Variants in EXPH5 observed in about 807,000 individuals in gnomAD.
EXPH5 encodes exophilin-5.
In EXPH5, 42 loss-of-function variants were observed where a neutral mutation model predicts 41.1. That is an observed-to-expected ratio of 1.02 (90% CI 0.80 to 1.32). The LOEUF is 1.32. EXPH5 is among the 40% of genes most tolerant of loss of function. EXPH5 has a pLI of 0.00. For synonymous variants in EXPH5, 798 were observed against 833.5 expected, an observed-to-expected ratio of 0.96 and a Z score of 0.73; for missense variants, 2,298 against 2,314.5, an observed-to-expected ratio of 0.99 and a Z score of 0.15.
intron 1 of EXPH5, among the ~76,000 whole-genome samples, chr11:108,590,602 ATC>A (rs943118858): frequency 2.0e-5 from 3 of 152,106 alleles, no homozygotes; most frequent in African/African-American, 4.8e-5. Context: ...ATCTCAGAAC[ATC>A]TCTGGCCCTG....
chr11:108,576,333 A>G (rs376851018), intron 1 of EXPH5, among the ~76,000 whole-genome samples: 1 of 152,240 alleles, frequency 6.6e-6, no homozygotes, highest in East Asian at 1.9e-4. Flanking sequence ...CAAAAATTAT[A>G]TAATTCCATT....
intron 1 of EXPH5, among the ~76,000 whole-genome samples, chr11:108,582,234 C>T (rs909242688): frequency 2.6e-5 from 4 of 151,896 alleles, no homozygotes; most frequent in Admixed American, 6.6e-5. Context: ...GAGGCTGGGG[C>T]GGGGGATCAC....
At chr11:108,515,054 T>C in intron 5 of EXPH5, among the ~76,000 whole-genome samples, 179 bp from the exon 6 acceptor site, 1 of 152,384 alleles carries the variant, frequency 6.6e-6, no homozygotes, top group East Asian at 1.9e-4. Context: ...TTTATAAGAC[T>C]ATAGTGAAAA....
chr11:108,583,744 T>C (rs757568111), intron 1 of EXPH5, among the ~76,000 whole-genome samples: 3 of 152,048 alleles, frequency 2.0e-5, no homozygotes, highest in Non-Finnish European at 2.9e-5. Context: ...TGAAAGACAG[T>C]GCTCAGCAAC....
intron 1 of EXPH5, among the ~76,000 whole-genome samples, chr11:108,585,110 C>G (rs1175713464): frequency 6.6e-6 from 1 of 151,972 alleles, no homozygotes; most frequent in Non-Finnish European, 1.5e-5. Flanking sequence ...AGATACTTCC[C>G]CAAAGAGAAT....
Position 108,512,230 on chromosome 11 carries a change from G to T in EXPH5, c.3277C>A (p.Pro1093Thr). Residue 1093 changes from proline to threonine, a missense_variant, in exon 6 of 6, where the codon CCT becomes ACT. Physicochemically the swap from Pro to Thr is conservative, Grantham distance 38. Transcript: ENST00000265843. ...KVLSDSALEAPEATERMTNVK... is the reference protein window; with the variant it reads ...KVLSDSALEATEATERMTNVK... ...TTTGTCATTCTCTCTGTGGCTTCAG[G>T]TGCTTCCAGGGCTGAGTCTGAAAGG... The T allele has an allele frequency of 1.2e-6, 2 of 1,608,226 alleles. No individual in the cohort carries two copies. Among genetic ancestry groups the T allele is most frequent in the Non-Finnish European group, 1.7e-6 (2 of 1,178,230 alleles).
chr11:108,516,050 C>T (rs1253215362), intron 5 of EXPH5, among the ~76,000 whole-genome samples: 3 of 127,322 alleles, frequency 2.4e-5, no homozygotes, highest in Admixed American at 1.0e-4. Context: ...CCAGCCTGGG[C>T]GAAAGAGCGA....
In EXPH5 at chr11:108,513,260, G is replaced by A. The variant is rs776331752; in HGVS notation, c.2247C>T (p.Asp749=). Residue 749 remains aspartate (D), a synonymous_variant, in exon 6 of 6, where the codon GAC becomes GAT. Transcript: ENST00000265843. ...AACCAAACCCGTTGCTCTTGGCTGA[G>A]TCCTGGGATAAGGGATTTTGAAAAT... ...LPDFQNPLSQ[D]SAKSNGFGFN... is the part of the protein sequence containing the mutation. The A allele has an allele frequency of 2.5e-5, 40 of 1,612,492 alleles. No individual in the cohort carries two copies. Among genetic ancestry groups the A allele is most frequent in the Non-Finnish European group, 3.3e-5 (39 of 1,179,560 alleles).
At chr11:108,565,892 T>C (rs1424144209) in intron 1 of EXPH5, among the ~76,000 whole-genome samples, 1 of 152,230 alleles carries the variant, frequency 6.6e-6, no homozygotes, top group Non-Finnish European at 1.5e-5. Context: ...TTGTTTACAA[T>C]GCCCTTTCTA....
At chr11:108,605,572 C>T in the EXPH5 span, among the ~76,000 whole-genome samples, 1 of 151,978 alleles carries the variant, frequency 6.6e-6, no homozygotes, top group Non-Finnish European at 1.5e-5. Context: ...CCCCCTCCTA[C>T]GCCCAGCAAA....
intron 3 of EXPH5, among the ~76,000 whole-genome samples, chr11:108,529,688 T>C (rs2093824361): frequency 6.6e-6 from 1 of 151,830 alleles, no homozygotes; most frequent in African/African-American, 2.4e-5. Flanking sequence ...CTACTAAAAA[T>C]ACAAAATTAG....
chr11:108,559,307 A>T (rs2094002377), intron 1 of EXPH5, among the ~76,000 whole-genome samples: 1 of 152,230 alleles, frequency 6.6e-6, no homozygotes, highest in Non-Finnish European at 1.5e-5. Flanking sequence ...CTTTATACAG[A>T]TGCTCAGACA....
intron 1 of EXPH5, among the ~76,000 whole-genome samples, chr11:108,548,655 G>A (rs1049080930): frequency 2.0e-5 from 3 of 152,136 alleles, no homozygotes; most frequent in Admixed American, 6.5e-5. Flanking sequence ...GAAGGGAAAC[G>A]ATGACATAAA....
At chr11:108,541,587 A>G (rs755611314) in intron 2 of EXPH5, 65 bp downstream of exon 2, 34 of 1,074,750 alleles carry the variant, frequency 3.2e-5, no homozygotes, top group Non-Finnish European at 4.2e-5. Flanking sequence ...CCACTGGGCC[A>G]TTATCTACAA....
At chr11:108,584,223 C>A (rs2094106975) in intron 1 of EXPH5, among the ~76,000 whole-genome samples, 1 of 152,128 alleles carries the variant, frequency 6.6e-6, no homozygotes, top group Non-Finnish European at 1.5e-5. Flanking sequence ...CACTTATAAT[C>A]CCAGCACTTT....
chr11:108,597,342 C>T (rs771891822), upstream of EXPH5, among the ~76,000 whole-genome samples: 14 of 152,094 alleles, frequency 9.2e-5, no homozygotes, highest in South Asian at 4.1e-4. Flanking sequence ...GGATTACAGG[C>T]GCACGCCACC....
intron 1 of EXPH5, among the ~76,000 whole-genome samples, chr11:108,546,130 A>G (rs1801886297): frequency 6.6e-6 from 1 of 151,964 alleles, no homozygotes; most frequent in Non-Finnish European, 1.5e-5. Context: ...AGGAACAGAA[A>G]TAAGGCCTGT....
chr11:108,588,617 T>C (rs1384970614), intron 1 of EXPH5, among the ~76,000 whole-genome samples: 1 of 152,208 alleles, frequency 6.6e-6, no homozygotes, highest in Admixed American at 6.5e-5. Flanking sequence ...AATGAGATAG[T>C]GCACACAAAG....
chr11:108,510,661 C>A lies in EXPH5; in HGVS notation c.4846G>T (p.Val1616Leu). 1 of 1,614,178 alleles carries A rather than the reference C, an allele frequency of 6.2e-7. No homozygotes were observed. Among genetic ancestry groups the A allele is most frequent in the Non-Finnish European group, 8.5e-7 (1 of 1,180,030 alleles). Reference protein sequence around the residue: ...PAKDVSPRRHVATIFPQSGSR... With the variant: ...PAKDVSPRRHLATIFPQSGSR... ...CCACTTTGGGGGAAGATAGTAGCTA[C>A]ATGTCTTCTGGGGCTTACATCTTTA... The change falls in exon 6 of 6, where the codon GTA becomes TTA. Residue 1616 changes from valine to leucine, a missense_variant. Coordinates refer to ENST00000265843, the MANE Select transcript of EXPH5 (RefSeq NM_015065.3).
Sources: gnomAD v4.1 joint callset for allele counts (sites outside exome capture counted in the v4.1 genomes callset) on GRCh38, gnomAD v4.1.1 for gene constraint, MANE v1.5 for transcripts, NCBI Gene and HGNC (gene_info 2026-07-23, HGNC 2026-07-21) for gene names.